DHRS1: variants seen among roughly 807,000 people sequenced by gnomAD.
DHRS1 encodes dehydrogenase/reductase SDR family member 1.
In DHRS1, 34 loss-of-function variants were observed where a neutral mutation model predicts 35.2. The observed-to-expected ratio is 0.97, with a 90% CI of 0.74 to 1.29. The LOEUF (loss-of-function observed/expected upper bound fraction) is 1.29. Ranked by LOEUF, DHRS1 falls within the 50% of genes most tolerant of loss-of-function variation. DHRS1 has a pLI of 0.00. For missense variants in DHRS1, 354 were observed against 403.6 expected, an observed-to-expected ratio of 0.88 and a Z score of 1.05; for synonymous variants, 133 against 160.0, an observed-to-expected ratio of 0.83 and a Z score of 1.27.
chr14:24,296,850 A>G lies in DHRS1; in HGVS notation c.182T>C (p.Val61Ala), dbSNP rs1424749923. The G allele has an allele frequency of 6.8e-6, 11 of 1,614,212 alleles. No homozygotes were observed. Among genetic ancestry groups the G allele is most frequent in the Non-Finnish European group, 9.3e-6 (11 of 1,180,034 alleles). The change falls in exon 3 of 9, where the codon GTG (valine) becomes GCG (alanine). Residue 61 changes from valine to alanine, a missense_variant. Coordinates refer to ENST00000288111, the MANE Select transcript of DHRS1 (RefSeq NM_001136050.3). The stretch of plus-strand genomic sequence containing the variant: ...ACTCTCCTGGCTTGAATCGCACACC[A>G]CAGGCACACATTGGCCCCCGAGGGA... Reference protein sequence around the residue: ...AQSLGGQCVPVVCDSSQESEV... With the variant: ...AQSLGGQCVPAVCDSSQESEV...
chr14:24,299,122 G>C lies in DHRS1; in HGVS notation c.-16C>G. 1 of 1,606,854 alleles carries C rather than the reference G, an allele frequency of 6.2e-7. No individual in the cohort carries two copies. Among genetic ancestry groups the C allele is most frequent in the Non-Finnish European group, 8.5e-7 (1 of 1,174,368 alleles). On this transcript the variant is annotated 5_prime_UTR_variant, in exon 2 of 9. Transcript: ENST00000288111. Reference sequence around the variant, plus strand: ...GAGCTGCCATGACTCACAGGCAAAGGAGGCAGGTCTGTGGAAGCAAAGACT... The same window carrying C: ...GAGCTGCCATGACTCACAGGCAAAGCAGGCAGGTCTGTGGAAGCAAAGACT...
intron 5 of DHRS1, 52 bp downstream of exon 5, chr14:24,292,600 G>C: frequency 6.2e-7 from 1 of 1,614,012 alleles, no homozygotes; most frequent in South Asian, 1.1e-5. Context: ...CTGAGCTATA[G>C]GTAACATCAC....
In DHRS1 at chr14:24,296,759, G is replaced by T. The variant is rs563865768; in HGVS notation, c.273C>A (p.Asn91Lys). The T allele has an allele frequency of 2.5e-6, 4 of 1,614,206 alleles. No homozygotes were observed. The East Asian group carries it at 6.7e-5, about 27-fold the overall frequency. The change falls in exon 3 of 9, where the codon AAC (asparagine) becomes AAA (lysine). Residue 91 changes from asparagine to lysine, a missense_variant. Transcript: ENST00000288111. ...GTACCTGGACCCCTGCATAAGCATT[G>T]TTGACCAGCACATCTAGACGCCCTT... ...EQQGRLDVLV[N>K]NAYAGVQTIL...
chr14:24,297,180 G>A (rs2139102494), intron 2 of DHRS1, among the ~76,000 whole-genome samples: 1 of 152,338 alleles, frequency 6.6e-6, no homozygotes, highest in Middle Eastern at 3.4e-3. Flanking sequence ...GTAAGAACAA[G>A]TGAGGCATGG....
chr14:24,299,767 G>T lies in DHRS1; in HGVS notation c.-211C>A. 3.0e-6 allele frequency: 2 copies of T among 660,102 alleles called. No homozygotes were observed. The highest frequency in any genetic ancestry group is 4.9e-6 in the Non-Finnish European group (2 of 407,626). 40.9% of individuals were successfully genotyped at this position (660,102 alleles called of 1,614,324 possible). The stretch of plus-strand genomic sequence containing the variant: ...GGCCAAAGTTAGAACCTGCGGATGG[G>T]GGCGGAGCGATCTGGGTGACACACC... On this transcript the variant is annotated 5_prime_UTR_variant, in exon 1 of 9. Coordinates refer to ENST00000288111, the MANE Select transcript of DHRS1 (RefSeq NM_001136050.3).
chr14:24,292,227 T>C lies in DHRS1; in HGVS notation c.611A>G (p.His204Arg). ...GIVQTELLKE[H>R]MAKEEVLQDP... ...CTGCAGGACCTCCTCCTTTGCCATA[T>C]GCTCCTTCAGCAGTTCTGTCTGCAC... Residue 204 changes from histidine (H) to arginine (R), a missense_variant, in exon 6 of 9, where the codon CAT becomes CGT. His to Arg is a conservative substitution (Grantham distance 29). Coordinates refer to ENST00000288111, the MANE Select transcript of DHRS1 (RefSeq NM_001136050.3). The C allele has an allele frequency of 6.2e-7, 1 of 1,614,128 alleles. No homozygotes were observed. The highest frequency in any genetic ancestry group is 8.5e-7 in the Non-Finnish European group (1 of 1,180,018).
chr14:24,298,025 G>A (rs1479308635), intron 2 of DHRS1, among the ~76,000 whole-genome samples: 1 of 151,986 alleles, frequency 6.6e-6, no homozygotes, highest in Admixed American at 6.6e-5. Flanking sequence ...CTGACTTCCT[G>A]TTGGAATCTA....
intron 2 of DHRS1, chr14:24,298,726 C>T (rs1448303350): frequency 6.2e-6 from 3 of 482,978 alleles, no homozygotes; most frequent in Admixed American, 3.8e-5. Context: ...ACTGCAGGAA[C>T]GTGCCACCAT....
chr14:24,291,987 T>C, intron 6 of DHRS1, 197 bp downstream of exon 6: 2 of 705,628 alleles, frequency 2.8e-6, no homozygotes, highest in South Asian at 1.9e-5. Context: ...TCTAAACCTC[T>C]CTGGGTTTCA....
Position 24,290,792 on chromosome 14 carries a change from T to G in DHRS1, c.*67A>C, listed in dbSNP as rs113237099. 1.3e-3 allele frequency: 2,043 copies of G among 1,591,852 alleles called. 26 individuals carry two copies. In the African/African-American group the frequency reaches 0.022, roughly 17 times the overall value. ...TAAACAAGAAAGGCTGCTGTTTCAC[T>G]GAGACAGGACGAACCACCAAGTCCA... On this transcript the variant is annotated 3_prime_UTR_variant, in exon 9 of 9. Transcript: ENST00000288111.
In DHRS1 at chr14:24,292,170, C is replaced by T. The variant is rs1245202965; in HGVS notation, c.654+14G>A. 2 of 1,614,062 alleles carry T rather than the reference C, an allele frequency of 1.2e-6. No homozygotes were observed. Among genetic ancestry groups the T allele is most frequent in the Middle Eastern group, 1.6e-4 (1 of 6,062 alleles). On this transcript the variant is annotated intron_variant, in intron 6 of 8. Transcript: ENST00000288111. The stretch of plus-strand genomic sequence containing the variant: ...TCCCCTGTTCTCTGCTTCCTTCGCC[C>T]TCCCCTTGCCAACCTGCTTCAACAC...
rs148829657 is a variant in DHRS1 at position 24,297,042 on chromosome 14, T to C, written c.151-161A>G. The stretch of plus-strand genomic sequence containing the variant: ...GGCAACGCTGCCCTCTGGTGTCTGT[T>C]TGAGTAGTTTCAGGAATGATAGGCC... On this transcript the variant is annotated intron_variant, in intron 2 of 8. Coordinates refer to ENST00000288111, the MANE Select transcript of DHRS1 (RefSeq NM_001136050.3). 4.6e-3 allele frequency among the ~76,000 whole-genome samples: 703 copies of C among 152,264 alleles called. 8 individuals carry two copies. Among genetic ancestry groups the C allele is most frequent in the African/African-American group, 0.016 (671 of 41,568 alleles).
chr14:24,292,781 G>A lies in DHRS1; in HGVS notation c.378C>T (p.Gly126=), dbSNP rs1187696381. ...WDDINNVGLR[G]HYFCSVYGAR... ...CCCCATACACTGAGCAAAAGTAGTG[G>A]CCTCTAGAAGGTGGGGCAAGGGAAG... is the stretch of plus-strand genomic sequence containing the variant. Residue 126 remains glycine (G), a synonymous_variant, in exon 5 of 9, where the codon GGC becomes GGT. Transcript: ENST00000288111. 1.2e-6 allele frequency: 2 copies of A among 1,610,908 alleles called. No homozygotes were observed. Among genetic ancestry groups the A allele is most frequent in the Non-Finnish European group, 1.7e-6 (2 of 1,178,660 alleles).
chr14:24,296,866 C>A lies in DHRS1; in HGVS notation c.166G>T (p.Gly56Cys). 6.2e-7 allele frequency: 1 copy of A among 1,614,192 alleles called. No individual in the cohort carries two copies. The highest frequency in any genetic ancestry group is 1.3e-5 in the African/African-American group (1 of 75,038). The change falls in exon 3 of 9, where the codon GGC (glycine) becomes TGC (cysteine). Residue 56 changes from glycine (G) to cysteine (C), a missense_variant. Gly to Cys is a radical substitution (Grantham distance 159). Coordinates refer to ENST00000288111, the MANE Select transcript of DHRS1 (RefSeq NM_001136050.3). ...TCGCACACCACAGGCACACATTGGC[C>A]CCCGAGGGATTGTGCCTGGAGTAGG... ...VVAQEAQSLG[G>C]QCVPVVCDSS... is the part of the protein sequence containing the mutation.
chr14:24,291,772 T>C (rs1367000593), intron 6 of DHRS1, 147 bp from the exon 7 acceptor site: 4 of 796,010 alleles, frequency 5.0e-6, no homozygotes, highest in Non-Finnish European at 8.5e-6. Context: ...ACCCAAAGTA[T>C]TGGCAGGTGC....
At chr14:24,297,727 A>G (rs1004825039) in intron 2 of DHRS1, among the ~76,000 whole-genome samples, 1 of 151,440 alleles carries the variant, frequency 6.6e-6, no homozygotes, top group African/African-American at 2.4e-5. Context: ...CTCACTCACT[A>G]CTCTTCCCTT....
chr14:24,295,538 A>G (rs2041235058), intron 4 of DHRS1, among the ~76,000 whole-genome samples: 1 of 152,160 alleles, frequency 6.6e-6, no homozygotes, highest in Non-Finnish European at 1.5e-5. Flanking sequence ...TACCTTGGAT[A>G]ATTCATCAGG....
At position 24,298,996 on chromosome 14, in the gene DHRS1, A is replaced by G; in HGVS notation, c.111T>C (p.Thr37=). The change falls in exon 2 of 9, where the codon ACT becomes ACC. Residue 37 remains threonine, a synonymous_variant. Coordinates refer to ENST00000288111, the MANE Select transcript of DHRS1 (RefSeq NM_001136050.3). Reference sequence around the variant, plus strand: ...CGCGAAGGGTGTCCAGATGGCGGCCAGTGATGTAAACTGTGGCGCCTGCTT... The same window carrying G: ...CGCGAAGGGTGTCCAGATGGCGGCCGGTGATGTAAACTGTGGCGCCTGCTT... The part of the protein sequence containing the change: ...LCKAGATVYI[T]GRHLDTLRVV... 6.2e-7 allele frequency: 1 copy of G among 1,613,438 alleles called. No homozygotes were observed. Among genetic ancestry groups the G allele is most frequent in the East Asian group, 2.2e-5 (1 of 44,862 alleles).
intron 4 of DHRS1, 151 bp from the exon 5 acceptor site, chr14:24,292,935 G>A (rs944371031): frequency 6.6e-6 from 6 of 908,988 alleles, no homozygotes; most frequent in East Asian, 6.0e-5. Flanking sequence ...TTAGGGGCTT[G>A]AGGCCATATT....
Sources: gnomAD v4.1 joint callset for allele counts (sites outside exome capture counted in the v4.1 genomes callset) on GRCh38, gnomAD v4.1.1 for gene constraint, MANE v1.5 for transcripts, NCBI Gene and HGNC (gene_info 2026-07-23, HGNC 2026-07-21) for gene names.